Variants in CREM observed in about 807,000 individuals in gnomAD.
CREM encodes cAMP responsive element modulator, also known as cAMP-responsive element modulator.
In CREM, 13 loss-of-function variants were observed where a neutral mutation model predicts 37.3. The observed-to-expected ratio is 0.35, with a 90% CI of 0.23 to 0.55. The LOEUF is 0.55. CREM is among the 20% of genes least tolerant of loss of function. The pLI is 0.88. For synonymous variants in CREM, 124 were observed against 120.2 expected (o/e 1.03, Z -0.21); for missense variants, 296 against 362.3 (o/e 0.82, Z 1.49).
At chr10:35,175,244 G>A (rs12264698) in intron 3 of CREM, among the ~76,000 whole-genome samples, 51,758 of 151,796 alleles carry the variant, frequency 0.34, 8,985 homozygotes, top group African/African-American at 0.42. Flanking sequence ...TCAGGAGATC[G>A]AGACCATCCT....
chr10:35,169,589 T>C (rs2093705823), intron 3 of CREM, among the ~76,000 whole-genome samples: 1 of 152,178 alleles, frequency 6.6e-6, no homozygotes, highest in African/African-American at 2.4e-5. Context: ...CCTTTATTTC[T>C]TTCTCCTGCC....
At chr10:35,186,683 A>G (rs1318919543) in intron 5 of CREM, among the ~76,000 whole-genome samples, 1 of 140,340 alleles carries the variant, frequency 7.1e-6, no homozygotes, top group Admixed American at 7.6e-5. Flanking sequence ...TATAATAAAT[A>G]TATATTAAAA....
chr10:35,180,067 G>A (rs1026256737), intron 5 of CREM, among the ~76,000 whole-genome samples: 4 of 152,270 alleles, frequency 2.6e-5, no homozygotes, highest in African/African-American at 9.6e-5. Flanking sequence ...AATTGTCCAT[G>A]GAAGTTGTCT....
At chr10:35,182,425 A>T (rs1333921990) in intron 5 of CREM, among the ~76,000 whole-genome samples, 1 of 151,920 alleles carries the variant, frequency 6.6e-6, no homozygotes, top group African/African-American at 2.4e-5. Flanking sequence ...ATAAAAAAAA[A>T]TTTTAGGTTT....
intron 2 of CREM, among the ~76,000 whole-genome samples, chr10:35,144,738 C>CTTTTTTTTTTTTTTTTTTTTTTTT (rs34780156): frequency 6.8e-6 from 1 of 147,072 alleles, no homozygotes. Context: ...ATCATTAAAA[C>CTTTTTTTTTTTTTTTTTTTTTTTT]TTTTTTTTTT....
At chr10:35,137,661 G>T in intron 1 of CREM, 121 bp from the exon 2 acceptor site, 6 of 370,788 alleles carry the variant, frequency 1.6e-5, no homozygotes, top group Non-Finnish European at 2.9e-5. Context: ...TAGTTTTATA[G>T]AAATTAGAAT....
intron 2 of CREM, among the ~76,000 whole-genome samples, chr10:35,138,787 C>G (rs935121363): frequency 4.0e-5 from 6 of 150,976 alleles, no homozygotes; most frequent in Non-Finnish European, 8.8e-5. Flanking sequence ...CTTTGAGAGG[C>G]CAAGGTAGGA....
At chr10:35,158,798 GTTTTTTTTTTGTTGTTTTGTTTGTTT>G (rs1184228668) in intron 3 of CREM, among the ~76,000 whole-genome samples, 1 of 100,840 alleles carries the variant, frequency 9.9e-6, no homozygotes, top group African/African-American at 3.5e-5. Context: ...CAAATATAGT[GTTTTTTTTTTGTTGTTTTGTTTGTTT>G]TTTTTTTTTT....
At position 35,211,543 on chromosome 10, in the gene CREM, T is replaced by C. The variant is rs2095665166; in HGVS notation, c.*145T>C. 4.0e-6 allele frequency: 6 copies of C among 1,496,112 alleles called. No individual in the cohort carries two copies. In the East Asian group the frequency reaches 1.4e-4, roughly 34 times the overall value. The allele number at this position is 1,496,112 out of a possible 1,614,324, so 92.7% of individuals were successfully genotyped here. A position where few individuals can be genotyped will look rare whatever the true frequency, so the allele number is the denominator to read the frequency against. ...GTGTTTGAAATTGAATTGGGAATGT[T>C]GTTCCAGGATGTGGAATGCAGCCGT... On this transcript the variant is annotated 3_prime_UTR_variant, in exon 8 of 8. Coordinates refer to ENST00000685392, the MANE Select transcript of CREM (RefSeq NM_183011.2).
At chr10:35,167,613 T>G in intron 3 of CREM, 1 of 980,952 alleles carries the variant, frequency 1.0e-6, no homozygotes, top group Non-Finnish European at 1.6e-6. Context: ...TTCCCAGTTA[T>G]AAGTGTCACT....
intron 6 of CREM, among the ~76,000 whole-genome samples, chr10:35,206,298 A>G (rs909383256): frequency 6.6e-6 from 1 of 151,912 alleles, no homozygotes; most frequent in Non-Finnish European, 1.5e-5. Context: ...ATACATGCAT[A>G]TATATATGCA....
chr10:35,175,503 G>T lies in CREM; in HGVS notation c.169-3386G>T, dbSNP rs59467521. On this transcript the variant is annotated intron_variant, in intron 3 of 7. Coordinates refer to ENST00000685392, the MANE Select transcript of CREM (RefSeq NM_183011.2). ...CCAATTTCTCTGAAGAAGTTAGAGG[G>T]TAGTTTATACTCTGGCCTAAGAAAG... is the stretch of plus-strand genomic sequence containing the variant. The T allele has an allele frequency of 4.4e-3, 2,718 of 612,126 alleles. 54 individuals carry two copies. The African/African-American group carries it at 0.044, about 10-fold the overall frequency. The allele number at this position is 612,126 out of a possible 1,614,324, so 37.9% of individuals were successfully genotyped here.
intron 3 of CREM, among the ~76,000 whole-genome samples, chr10:35,149,485 G>A (rs1589458087): frequency 6.6e-6 from 1 of 152,078 alleles, no homozygotes; most frequent in Non-Finnish European, 1.5e-5. Context: ...GGTGCCCACC[G>A]TATTTTCAGT....
intron 1 of CREM, among the ~76,000 whole-genome samples, chr10:35,128,648 C>T (rs2088598639): frequency 6.6e-6 from 1 of 151,682 alleles, no homozygotes; most frequent in African/African-American, 2.4e-5. Context: ...GCCTCAGCCT[C>T]CTGAGTAGCT....
intron 3 of CREM, among the ~76,000 whole-genome samples, chr10:35,158,936 A>G (rs1022467581): frequency 1.3e-5 from 2 of 151,398 alleles, no homozygotes; most frequent in Admixed American, 6.6e-5. Flanking sequence ...CAACATATAT[A>G]TCAGTGTTGA....
intron 6 of CREM, chr10:35,201,453 G>A (rs1291488253): frequency 8.4e-6 from 13 of 1,551,526 alleles, no homozygotes; most frequent in African/African-American, 1.4e-5. Flanking sequence ...TTTTACAGAT[G>A]AGGAAACTGA....
At chr10:35,131,843 G>T (rs940834853) in intron 1 of CREM, among the ~76,000 whole-genome samples, 8 of 152,156 alleles carry the variant, frequency 5.3e-5, no homozygotes, top group African/African-American at 1.7e-4. Flanking sequence ...CAGTAAAGAA[G>T]CATGCTATTG....
chr10:35,207,118 C>T lies in CREM; in HGVS notation c.755+67C>T, dbSNP rs568679299. ...TTTAAAAATTACAGTTTTCACCGGG[C>T]GCAGTGGCTCACGCCTGTAATCCCA... On this transcript the variant is annotated intron_variant, in intron 7 of 7. Transcript: ENST00000685392. The T allele has an allele frequency of 8.6e-5, 131 of 1,525,258 alleles. 2 individuals carry two copies. The Middle Eastern group carries it at 1.0e-3, about 12-fold the overall frequency. The allele number at this position is 1,525,258 out of a possible 1,614,324, so 94.5% of individuals were successfully genotyped here. A position where few individuals can be genotyped will look rare whatever the true frequency, so the allele number is the denominator to read the frequency against.
At chr10:35,180,284 A>G (rs1489646170) in intron 5 of CREM, among the ~76,000 whole-genome samples, 2 of 152,246 alleles carry the variant, frequency 1.3e-5, no homozygotes, top group Non-Finnish European at 2.9e-5. Flanking sequence ...CAAATAAGGT[A>G]TTAAGATTTT....
Sources: gnomAD v4.1 joint callset for allele counts (sites outside exome capture counted in the v4.1 genomes callset) on GRCh38, gnomAD v4.1.1 for gene constraint, MANE v1.5 for transcripts, NCBI Gene and HGNC (gene_info 2026-07-23, HGNC 2026-07-21) for gene names.